COL13A1: variants seen among roughly 807,000 people sequenced by gnomAD.
The protein encoded by COL13A1 is collagen type XIII alpha 1 chain.
In COL13A1, 89 loss-of-function variants were observed where a neutral mutation model predicts 130.9. That is an observed-to-expected ratio of 0.68 (90% CI 0.57 to 0.81). The LOEUF (loss-of-function observed/expected upper bound fraction) is 0.81. COL13A1 is among the 30% of genes least tolerant of loss of function. The pLI, the probability that COL13A1 is intolerant of heterozygous loss-of-function variation, is 0.00. For synonymous variants in COL13A1, 402 were observed against 341.6 expected, an observed-to-expected ratio of 1.18 and a Z score of -1.95; for missense variants, 879 against 934.6, an observed-to-expected ratio of 0.94 and a Z score of 0.78.
intron 3 of COL13A1, 156 bp from the exon 4 acceptor site, chr10:69,872,028 G>T: frequency 1.2e-6 from 1 of 814,080 alleles, no homozygotes; most frequent in East Asian, 2.7e-5. Flanking sequence ...AGCTTTATAA[G>T]CCTTAGCGAT....
chr10:69,925,278 T>G (rs2065203147), intron 25 of COL13A1, among the ~76,000 whole-genome samples: 1 of 152,324 alleles, frequency 6.6e-6, no homozygotes. Flanking sequence ...GATTATGTAT[T>G]AGTCTCACGC....
chr10:69,902,892 C>A (rs553346932), intron 15 of COL13A1, 37 bp downstream of exon 15: 2 of 1,445,604 alleles, frequency 1.4e-6, no homozygotes, highest in Admixed American at 5.3e-5. Flanking sequence ...AAGACTTATC[C>A]CAAGAACTCT....
intron 38 of COL13A1, among the ~76,000 whole-genome samples, chr10:69,951,161 A>AT (rs1183744824): frequency 6.6e-6 from 1 of 151,456 alleles, no homozygotes; most frequent in Non-Finnish European, 1.5e-5. Context: ...AAATATTCTT[A>AT]TCCTCTGCCT....
intron 7 of COL13A1, among the ~76,000 whole-genome samples, chr10:69,880,906 G>T (rs2060073235): frequency 6.6e-6 from 1 of 152,214 alleles, no homozygotes; most frequent in Non-Finnish European, 1.5e-5. Flanking sequence ...ACCAGCCTTT[G>T]TTTCTGGAAG....
intron 6 of COL13A1, 94 bp from the exon 7 acceptor site, chr10:69,880,409 G>C: frequency 1.3e-6 from 1 of 779,574 alleles, no homozygotes; most frequent in East Asian, 2.6e-5. Context: ...CTGGCCCCCT[G>C]CCAGCTCCTT....
At position 69,907,667 on chromosome 10, in the gene COL13A1, C is replaced by A. The variant is rs187969017; in HGVS notation, c.921+1845C>A. On this transcript the variant is annotated intron_variant, in intron 17 of 40. Coordinates refer to ENST00000645393, the MANE Select transcript of COL13A1 (RefSeq NM_001368882.1). Reference sequence around the variant, plus strand: ...ACCCACTCTCATGATGACTAACCCACCCCCACAATAACTAACCCACTCTCA... The same window carrying A: ...ACCCACTCTCATGATGACTAACCCAACCCCACAATAACTAACCCACTCTCA... 8.2e-4 allele frequency among the ~76,000 whole-genome samples: 125 copies of A among 152,224 alleles called. 3 individuals carry two copies. Among genetic ancestry groups the A allele is most frequent in the East Asian group, 5.4e-3 (28 of 5,186 alleles).
At position 69,864,379 on chromosome 10, in the gene COL13A1, C is replaced by A. The variant is rs115417434; in HGVS notation, c.365-3419C>A. Among the ~76,000 whole-genome samples, 1,091 of 152,278 alleles carry A rather than the reference C, an allele frequency of 7.2e-3. 11 individuals are homozygous for A. The highest frequency in any genetic ancestry group is 0.025 in the African/African-American group (1,037 of 41,544). The stretch of plus-strand genomic sequence containing the variant: ...CTACAGCAAACCTTTCTCCCTTAAA[C>A]CCTCATGTTTGTTTTAGTTCTCATC... On this transcript the variant is annotated intron_variant, in intron 2 of 40. Transcript: ENST00000645393.
chr10:69,914,210 G>A (rs1237353711), intron 17 of COL13A1, among the ~76,000 whole-genome samples: 1 of 152,184 alleles, frequency 6.6e-6, no homozygotes, highest in Non-Finnish European at 1.5e-5. Flanking sequence ...CTGGGCAGGA[G>A]GAAGGGAGAG....
chr10:69,921,616 T>C (rs2064684696), intron 21 of COL13A1, among the ~76,000 whole-genome samples: 1 of 152,084 alleles, frequency 6.6e-6, no homozygotes, highest in African/African-American at 2.4e-5. Flanking sequence ...CAGTGTGACT[T>C]CTCCCCAGCA....
At chr10:69,939,275 T>C (rs1229157212) in intron 34 of COL13A1, among the ~76,000 whole-genome samples, 2 of 152,226 alleles carry the variant, frequency 1.3e-5, no homozygotes, top group East Asian at 3.9e-4. Flanking sequence ...ACTGTTGCCT[T>C]GGAGGAAGGC....
intron 1 of COL13A1, among the ~76,000 whole-genome samples, chr10:69,821,468 T>C (rs970510996): frequency 1.3e-5 from 2 of 152,212 alleles, no homozygotes; most frequent in Admixed American, 1.3e-4. Flanking sequence ...CTAACATTCA[T>C]TGAGAACTTC....
chr10:69,947,720 C>T (rs1407215198), intron 38 of COL13A1, among the ~76,000 whole-genome samples: 1 of 152,222 alleles, frequency 6.6e-6, no homozygotes, highest in African/African-American at 2.4e-5. Context: ...TTTTGCCAGG[C>T]ATTCCAGGCC....
intron 1 of COL13A1, among the ~76,000 whole-genome samples, chr10:69,814,691 G>T (rs2132374227): frequency 6.6e-6 from 1 of 152,244 alleles, no homozygotes; most frequent in East Asian, 1.9e-4. Flanking sequence ...AGGAGAGTTG[G>T]GACTAGACCC....
At position 69,802,204 on chromosome 10, in the gene COL13A1, C is replaced by T. The variant is rs41277950; in HGVS notation, c.-220C>T. On this transcript the variant is annotated 5_prime_UTR_variant, in exon 1 of 41. Transcript: ENST00000645393. ...ACGTTCTTCGAAATAACTTTTTTCT[C>T]ACCTAGGTGTACCCCAATTACCGCT... 12,292 of 519,724 alleles carry T rather than the reference C, an allele frequency of 0.024. 182 individuals are homozygous for T. The highest frequency in any genetic ancestry group is 0.047 in the African/African-American group (2,321 of 49,392). The allele number at this position is 519,724 out of a possible 1,614,324, so 32.2% of individuals were successfully genotyped here.
chr10:69,842,336 C>T (rs967152673), intron 2 of COL13A1, among the ~76,000 whole-genome samples: 2 of 152,188 alleles, frequency 1.3e-5, no homozygotes, highest in Admixed American at 6.5e-5. Context: ...CTTGTTAAAC[C>T]TCTTTTTCTT....
chr10:69,919,437 G>A (rs1400963478), intron 20 of COL13A1, among the ~76,000 whole-genome samples: 1 of 152,254 alleles, frequency 6.6e-6, no homozygotes, highest in Non-Finnish European at 1.5e-5. Flanking sequence ...TTTCTTTGCT[G>A]CAGACCTTCT....
intron 3 of COL13A1, 61 bp downstream of exon 3, chr10:69,867,866 G>T (rs941254941): frequency 1.4e-6 from 1 of 717,520 alleles, no homozygotes; most frequent in African/African-American, 1.7e-5. Context: ...GCTGGTAACG[G>T]GGTTCTGGGT....
chr10:69,859,727 G>T (rs530510399), intron 2 of COL13A1, among the ~76,000 whole-genome samples: 2 of 152,246 alleles, frequency 1.3e-5, no homozygotes, highest in Non-Finnish European at 2.9e-5. Flanking sequence ...CAGTCCAGTC[G>T]CAGGTCACAA....
intron 4 of COL13A1, 139 bp from the exon 5 acceptor site, chr10:69,874,989 G>T: frequency 2.2e-6 from 2 of 906,344 alleles, no homozygotes; most frequent in Non-Finnish European, 3.5e-6. Flanking sequence ...ATGATGCTTG[G>T]GCATCATACG....
Sources: allele counts gnomAD v4.1 joint callset (sites outside exome capture counted in the v4.1 genomes callset), GRCh38; gene constraint gnomAD v4.1.1; transcripts MANE v1.5; gene names NCBI Gene and HGNC (gene_info 2026-07-23, HGNC 2026-07-21).